The following IMPDH1 variants were observed in gnomAD, a reference collection of about 807,000 sequenced individuals.
IMPDH1 encodes inosine monophosphate dehydrogenase 1.
In IMPDH1, 41 loss-of-function variants were observed where a neutral mutation model predicts 73.5. The ratio of observed to expected loss-of-function variants is 0.56; its 90% CI spans 0.43 to 0.72. The LOEUF (loss-of-function observed/expected upper bound fraction) is 0.72, where lower values mean the gene tolerates loss of function less well. Among genes scored for constraint, IMPDH1 ranks in the 30% least tolerant of loss-of-function variants. IMPDH1 has a pLI of 0.00. For synonymous variants in IMPDH1, 318 were observed against 334.3 expected, an observed-to-expected ratio of 0.95 and a Z score of 0.53; for missense variants, 645 against 824.8, an observed-to-expected ratio of 0.78 and a Z score of 2.67.
chr7:128,402,851 G>A (rs1297607529), intron 5 of IMPDH1, among the ~76,000 whole-genome samples: 1 of 152,104 alleles, frequency 6.6e-6, no homozygotes, highest in Non-Finnish European at 1.5e-5. Flanking sequence ...TCACTGATGA[G>A]CCCCTCTGGG....
chr7:128,400,480 G>A lies in IMPDH1; in HGVS notation c.639C>T (p.Gly213=), dbSNP rs776742214. The part of the protein sequence containing the change: ...PVVLSPSHTV[G]DVLEAKMRHG... ...GCCGCATCTTGGCCTCCAGCACATCGCCCACAGTGTGCGAGGGGCTCAGCA... is the reference window on the plus strand; with the variant it reads ...GCCGCATCTTGGCCTCCAGCACATCACCCACAGTGTGCGAGGGGCTCAGCA... The change falls in exon 8 of 17, where the codon GGC becomes GGT. Residue 213 remains glycine (G), a synonymous_variant. Transcript: ENST00000338791. The A allele has an allele frequency of 3.2e-5, 51 of 1,612,530 alleles. No homozygotes were observed. Among genetic ancestry groups the A allele is most frequent in the Admixed American group, 1.0e-4 (6 of 59,998 alleles).
At chr7:128,401,674 A>G (rs997113521) in intron 5 of IMPDH1, among the ~76,000 whole-genome samples, 1 of 152,190 alleles carries the variant, frequency 6.6e-6, no homozygotes, top group Non-Finnish European at 1.5e-5. Flanking sequence ...TTATGTTTCA[A>G]AAAGGTCACT....
intron 5 of IMPDH1, among the ~76,000 whole-genome samples, chr7:128,402,731 T>A (rs892927299): frequency 1.3e-5 from 2 of 152,158 alleles, no homozygotes; most frequent in African/African-American, 4.8e-5. Context: ...TTAATGTATA[T>A]GAATTCATCA....
At position 128,403,552 on chromosome 7, in the gene IMPDH1, T is replaced by C. The variant is rs141209657; in HGVS notation, c.402+154A>G. ...CAGCCTGTGTGACAGAGCAAGACTC[T>C]GTCTCCAAAAAAAAAAAAAAAAAGG... On this transcript the variant is annotated intron_variant, in intron 5 of 16. Transcript: ENST00000338791. Among the ~76,000 whole-genome samples, 166 of 141,704 alleles carry C rather than the reference T, an allele frequency of 1.2e-3. No homozygotes were observed. The East Asian group carries it at 0.028, about 24-fold the overall frequency. The allele number at this position is 141,704 out of a possible 152,430, so 93.0% of individuals were successfully genotyped here.
At chr7:128,408,882 GC>G (rs1200059201) in intron 3 of IMPDH1, among the ~76,000 whole-genome samples, 2 of 152,156 alleles carry the variant, frequency 1.3e-5, no homozygotes, top group Non-Finnish European at 2.9e-5. Flanking sequence ...CAGCCCCACT[GC>G]CGAGGAGCCC....
At chr7:128,406,002 G>A (rs1213783111) in intron 3 of IMPDH1, 137 bp from the exon 4 acceptor site, 1 of 564,860 alleles carries the variant, frequency 1.8e-6, no homozygotes, top group Non-Finnish European at 2.2e-6. Context: ...GGGCGGGGGC[G>A]GGGGCTGCGG....
In IMPDH1 at chr7:128,396,804, C is replaced by A; in HGVS notation, c.1166-109G>T. The A allele has an allele frequency of 8.6e-7, 1 of 1,156,660 alleles. No homozygotes were observed. The highest frequency in any genetic ancestry group is 1.3e-6 in the Non-Finnish European group (1 of 789,670). The allele number at this position is 1,156,660 out of a possible 1,614,324, so 71.6% of individuals were successfully genotyped here. A position where few individuals can be genotyped will look rare whatever the true frequency, so the allele number is the denominator to read the frequency against. ...CACCCCCCAACCCCCCTACAGTGAC[C>A]AAAGCCCATCATGCTCCCTGCCACC... On this transcript the variant is annotated intron_variant, in intron 11 of 16. Coordinates refer to ENST00000338791, the MANE Select transcript of IMPDH1 (RefSeq NM_000883.4). The surrounding 1 kb of genome is among the most constrained non-coding windows in gnomAD (Gnocchi z 4.0).
chr7:128,398,283 A>G lies in IMPDH1; in HGVS notation c.1074+131T>C. On this transcript the variant is annotated intron_variant, in intron 10 of 16. Coordinates refer to ENST00000338791, the MANE Select transcript of IMPDH1 (RefSeq NM_000883.4). This position sits in a 1 kb window ranked among gnomAD's most constrained non-coding sequence, Gnocchi z 4.3. ...CCTCCTAATTCTGACACCAGGGAGC[A>G]CTCAGAAAGAGAGAGGAAGAGTAGC... 1.4e-6 allele frequency: 1 copy of G among 707,590 alleles called. No individual in the cohort carries two copies. The highest frequency in any genetic ancestry group is 1.8e-5 in the African/African-American group (1 of 56,426). The allele number at this position is 707,590 out of a possible 1,614,324, so 43.8% of individuals were successfully genotyped here. A position where few individuals can be genotyped will look rare whatever the true frequency, so the allele number is the denominator to read the frequency against.
intron 3 of IMPDH1, 135 bp from the exon 4 acceptor site, chr7:128,406,000 G>A (rs947731061): frequency 6.9e-6 from 4 of 580,816 alleles, no homozygotes; most frequent in African/African-American, 6.1e-5. Context: ...GGGGGCGGGG[G>A]CGGGGGCTGC....
chr7:128,400,001 G>C, intron 9 of IMPDH1, 94 bp downstream of exon 9: 1 of 994,852 alleles, frequency 1.0e-6, no homozygotes, highest in Non-Finnish European at 1.6e-6. Context: ...GCTCAGTCTG[G>C]TTGCTGGGAT....
At position 128,403,809 on chromosome 7, in the gene IMPDH1, A is replaced by T. The variant is rs1385565748; in HGVS notation, c.354-55T>A. On this transcript the variant is annotated intron_variant, in intron 4 of 16. Coordinates refer to ENST00000338791, the MANE Select transcript of IMPDH1 (RefSeq NM_000883.4). ...GTGGGGAGGGGTGCCCCAAAGGGGC[A>T]GAGCCTGCCATGCCAGAGGAGGCAG... is the stretch of plus-strand genomic sequence containing the variant. 3 of 1,504,614 alleles carry T rather than the reference A, an allele frequency of 2.0e-6. No homozygotes were observed. In the African/African-American group the frequency reaches 4.1e-5, roughly 21 times the overall value. 93.2% of individuals were successfully genotyped at this position (1,504,614 alleles called of 1,614,324 possible). A position where few individuals can be genotyped will look rare whatever the true frequency, so the allele number is the denominator to read the frequency against.
At chr7:128,406,008 T>TGCGGCA in intron 3 of IMPDH1, 143 bp from the exon 4 acceptor site, 2 of 494,374 alleles carry the variant, frequency 4.0e-6, no homozygotes, top group Non-Finnish European at 5.2e-6. Context: ...GGGCGGGGGC[T>TGCGGCA]GCGGCAGCGG....
intron 4 of IMPDH1, among the ~76,000 whole-genome samples, chr7:128,404,327 G>A (rs1247482651): frequency 6.6e-6 from 1 of 152,122 alleles, no homozygotes; most frequent in Non-Finnish European, 1.5e-5. Context: ...TGGCCAGGAC[G>A]GGAAAGGGGA....
At position 128,398,402 on chromosome 7, in the gene IMPDH1, CG is replaced by C; in HGVS notation, c.1074+11del. ...TCATCCATCTCCCCCACCACTCAGG[CG>C]GGGGCCTTACCAAGACTATGACGTC... On this transcript the variant is annotated intron_variant, in intron 10 of 16. Transcript: ENST00000338791. The surrounding 1 kb of genome is among the most constrained non-coding windows in gnomAD (Gnocchi z 4.3). 6.2e-7 allele frequency: 1 copy of C among 1,608,048 alleles called. No homozygotes were observed. The highest frequency in any genetic ancestry group is 8.5e-7 in the Non-Finnish European group (1 of 1,175,584).
chr7:128,409,488 A>C lies in IMPDH1; in HGVS notation c.147-4T>G. 1.2e-6 allele frequency: 2 copies of C among 1,614,180 alleles called. No homozygotes were observed. The highest frequency in any genetic ancestry group is 1.7e-6 in the Non-Finnish European group (2 of 1,180,016). ...TGTAGCGAGGTCCAATCTAGGGCTAAGATTTTAGGGAAGGTTTTTACGACC... is the reference window on the plus strand; with the variant it reads ...TGTAGCGAGGTCCAATCTAGGGCTACGATTTTAGGGAAGGTTTTTACGACC... On this transcript the variant is annotated splice_region_variant and splice_polypyrimidine_tract_variant and intron_variant, in intron 1 of 16. Coordinates refer to ENST00000338791, the MANE Select transcript of IMPDH1 (RefSeq NM_000883.4).
intron 8 of IMPDH1, 63 bp downstream of exon 8, chr7:128,400,270 T>G (rs1162053600): frequency 6.3e-7 from 1 of 1,598,130 alleles, no homozygotes; most frequent in Non-Finnish European, 8.6e-7. Context: ...CAGGCACCAG[T>G]CTGAGGCCCC....
At chr7:128,406,749 A>G (rs1231810268) in intron 3 of IMPDH1, among the ~76,000 whole-genome samples, 1 of 152,172 alleles carries the variant, frequency 6.6e-6, no homozygotes, top group Non-Finnish European at 1.5e-5. Flanking sequence ...TCACCGCCCT[A>G]TCTCCGGCTG....
At position 128,409,926 on chromosome 7, in the gene IMPDH1, C is replaced by T; in HGVS notation, c.-25G>A. On this transcript the variant is annotated 5_prime_UTR_variant, in exon 1 of 17. Coordinates refer to ENST00000338791, the MANE Select transcript of IMPDH1 (RefSeq NM_000883.4). ...TGCGGAGGCCGCAGCTCAGGGCGGGCGGGAGCCTGGAGGCTCCCGGGGCCC... is the reference window on the plus strand; with the variant it reads ...TGCGGAGGCCGCAGCTCAGGGCGGGTGGGAGCCTGGAGGCTCCCGGGGCCC... 7.4e-7 allele frequency: 1 copy of T among 1,349,668 alleles called. No individual in the cohort carries two copies. Among genetic ancestry groups the T allele is most frequent in the Non-Finnish European group, 9.5e-7 (1 of 1,056,014 alleles). 83.6% of individuals were successfully genotyped at this position (1,349,668 alleles called of 1,614,324 possible). A position where few individuals can be genotyped will look rare whatever the true frequency, so the allele number is the denominator to read the frequency against.
chr7:128,397,601 T>C (rs1201367741), intron 10 of IMPDH1, among the ~76,000 whole-genome samples: 6 of 152,184 alleles, frequency 3.9e-5, no homozygotes, highest in African/African-American at 1.4e-4. Context: ...CTCCTAGTTA[T>C]AGAATACAGA....
Sources: allele counts gnomAD v4.1 joint callset (sites outside exome capture counted in the v4.1 genomes callset), GRCh38; gene constraint gnomAD v4.1.1; non-coding constraint Gnocchi (gnomAD v3.1); transcripts MANE v1.5; gene names NCBI Gene and HGNC (gene_info 2026-07-23, HGNC 2026-07-21).